Variants in MTF1 observed in about 807,000 individuals in gnomAD.
MTF1 encodes MRE-binding transcription factor.
In MTF1, 22 loss-of-function variants were observed where a neutral mutation model predicts 70.4. That is an observed-to-expected ratio of 0.31 (90% CI 0.22 to 0.45). MTF1 has a LOEUF of 0.45. MTF1 is among the 20% of genes least tolerant of loss of function. The pLI, the probability that MTF1 is intolerant of heterozygous loss-of-function variation, is 1.00. For missense variants in MTF1, 649 were observed against 922.0 expected (o/e 0.70, Z 3.83); for synonymous variants, 333 against 352.8 (o/e 0.94, Z 0.63).
chr1:37,853,052 C>T (rs1641439730), intron 2 of MTF1, among the ~76,000 whole-genome samples: 1 of 152,206 alleles, frequency 6.6e-6, no homozygotes, highest in Non-Finnish European at 1.5e-5. Context: ...AGGCCACTAT[C>T]CTTTCTTCAG....
intron 7 of MTF1, 66 bp downstream of exon 7, chr1:37,832,179 C>G: frequency 9.6e-7 from 1 of 1,038,698 alleles, no homozygotes; most frequent in Non-Finnish European, 1.5e-6. Context: ...CCTCAATTTT[C>G]CCACCAAAGG....
chr1:37,850,426 G>A (rs1338423505), intron 2 of MTF1, among the ~76,000 whole-genome samples: 3 of 151,612 alleles, frequency 2.0e-5, no homozygotes, highest in African/African-American at 7.3e-5. Context: ...TCCCACCACT[G>A]TAATCACTCC....
intron 6 of MTF1, among the ~76,000 whole-genome samples, chr1:37,834,063 C>G (rs906251096): frequency 3.3e-5 from 5 of 150,820 alleles, no homozygotes; most frequent in African/African-American, 1.2e-4. Flanking sequence ...CACATCTCTA[C>G]TAAAAACACA....
chr1:37,820,237 C>A (rs924225732), intron 9 of MTF1, among the ~76,000 whole-genome samples: 2 of 152,194 alleles, frequency 1.3e-5, no homozygotes, highest in African/African-American at 2.4e-5. Flanking sequence ...TCTAGTGTGT[C>A]TAATAGTAGC....
At chr1:37,856,710 G>A (rs1185522852) in intron 2 of MTF1, among the ~76,000 whole-genome samples, 2 of 151,606 alleles carry the variant, frequency 1.3e-5, no homozygotes, top group Non-Finnish European at 2.9e-5. Context: ...ATGTTGGCCA[G>A]GCTGCTCTCG....
intron 7 of MTF1, among the ~76,000 whole-genome samples, chr1:37,829,468 A>C (rs1329507324): frequency 6.7e-6 from 1 of 149,104 alleles, no homozygotes; most frequent in East Asian, 2.0e-4. Context: ...ACATGTCCCT[A>C]ATTTTTTTTT....
At position 37,821,960 on chromosome 1, in the gene MTF1, C is replaced by T. The variant is rs377369505; in HGVS notation, c.1767+161G>A. Among the ~76,000 whole-genome samples the T allele has an allele frequency of 5.3e-5, 8 of 152,178 alleles. No individual in the cohort carries two copies. The East Asian group carries it at 9.6e-4, about 18-fold the overall frequency. ...TAGGTACTGACCACAGCATTTCCTA[C>T]GTTTATACCACTTGATTATGTGGAA... On this transcript the variant is annotated intron_variant, in intron 9 of 10. Coordinates refer to ENST00000373036, the MANE Select transcript of MTF1 (RefSeq NM_005955.3).
chr1:37,857,751 C>T, intron 1 of MTF1, 42 bp from the exon 2 acceptor site: 1 of 1,246,944 alleles, frequency 8.0e-7, no homozygotes, highest in Non-Finnish European at 1.1e-6. Flanking sequence ...TACCACAAGA[C>T]CGACGGACCT....
intron 10 of MTF1, among the ~76,000 whole-genome samples, chr1:37,816,674 C>CAAAA: frequency 1.0e-5 from 1 of 96,014 alleles, no homozygotes; most frequent in Middle Eastern, 5.1e-3. Context: ...GACTCCATCT[C>CAAAA]AAAAAAAAAA....
At chr1:37,821,393 T>A (rs184970199) in intron 9 of MTF1, among the ~76,000 whole-genome samples, 48 of 152,312 alleles carry the variant, frequency 3.2e-4, no homozygotes, top group African/African-American at 1.1e-3. Flanking sequence ...TGATGTTTTT[T>A]AAATTACCAT....
chr1:37,811,932 C>G lies in MTF1; in HGVS notation c.*3204G>C, dbSNP rs961284392. Reference sequence around the variant, plus strand: ...AAGACTGGGCCACCTTCCCTCAATGCCCAACCTACCTGCCTGGGAAGGGCC... The same window carrying G: ...AAGACTGGGCCACCTTCCCTCAATGGCCAACCTACCTGCCTGGGAAGGGCC... On this transcript the variant is annotated 3_prime_UTR_variant, in exon 11 of 11. Coordinates refer to ENST00000373036, the MANE Select transcript of MTF1 (RefSeq NM_005955.3). 6.5e-6 allele frequency: 1 copy of G among 152,706 alleles called. No homozygotes were observed. The highest frequency in any genetic ancestry group is 2.4e-5 in the African/African-American group (1 of 41,464). 9.5% of individuals were successfully genotyped at this position (152,706 alleles called of 1,614,324 possible).
intron 9 of MTF1, among the ~76,000 whole-genome samples, chr1:37,821,144 C>A (rs1442530104): frequency 6.6e-6 from 1 of 151,702 alleles, no homozygotes; most frequent in Non-Finnish European, 1.5e-5. Flanking sequence ...CCACTGCACT[C>A]TAGCCTGGGT....
rs201042434 is a variant in MTF1, at chr1:37,832,251, G to A, written c.1062C>T (p.Ser354=). The A allele has an allele frequency of 8.7e-6, 14 of 1,608,790 alleles. No individual in the cohort carries two copies. The highest frequency in any genetic ancestry group is 1.2e-5 in the Non-Finnish European group (14 of 1,175,582). ...LSTDSELREN[S]STTQGQDLST... is the part of the protein sequence containing the mutation. ...GTATTACAGGTACACTTACCGTACTGGAATTTTCTCGCAATTCAGAATCTG... is the reference window on the plus strand; with the variant it reads ...GTATTACAGGTACACTTACCGTACTAGAATTTTCTCGCAATTCAGAATCTG... Residue 354 remains serine (S), a synonymous_variant, in exon 7 of 11, where the codon TCC becomes TCT. Transcript: ENST00000373036.
At chr1:37,850,635 G>A (rs1641403935) in intron 2 of MTF1, among the ~76,000 whole-genome samples, 1 of 152,134 alleles carries the variant, frequency 6.6e-6, no homozygotes, top group Non-Finnish European at 1.5e-5. Context: ...GAAATAACAA[G>A]TATGAGAATA....
Position 37,811,969 on chromosome 1 carries a change from G to A in MTF1, c.*3167C>T, listed in dbSNP as rs1244093566. 1 of 152,732 alleles carries A rather than the reference G, an allele frequency of 6.5e-6. No homozygotes were observed. The highest frequency in any genetic ancestry group is 1.5e-5 in the Non-Finnish European group (1 of 68,100). The allele number at this position is 152,732 out of a possible 1,614,324, so 9.5% of individuals were successfully genotyped here. A position where few individuals can be genotyped will look rare whatever the true frequency, so the allele number is the denominator to read the frequency against. ...GCCTGGGAAGGGCCAAGTTCACTAAGGCAGTTTGGTGGTGCCAGCCAGTTT... is the reference window on the plus strand; with the variant it reads ...GCCTGGGAAGGGCCAAGTTCACTAAAGCAGTTTGGTGGTGCCAGCCAGTTT... On this transcript the variant is annotated 3_prime_UTR_variant, in exon 11 of 11. Transcript: ENST00000373036.
rs901873946 is a variant in MTF1 at position 37,859,575 on chromosome 1, C to T, written c.-96G>A. The stretch of plus-strand genomic sequence containing the variant: ...GGCGGCAGCAGCAGCTTCTCCCCTC[C>T]CCAGCGGCACCATGATTGCCCCCAC... On this transcript the variant is annotated 5_prime_UTR_variant, in exon 1 of 11. Coordinates refer to ENST00000373036, the MANE Select transcript of MTF1 (RefSeq NM_005955.3). 1.0e-5 allele frequency: 4 copies of T among 398,908 alleles called. No individual in the cohort carries two copies. Among genetic ancestry groups the T allele is most frequent in the Non-Finnish European group, 1.8e-5 (4 of 226,398 alleles). The allele number at this position is 398,908 out of a possible 1,614,324, so 24.7% of individuals were successfully genotyped here.
intron 9 of MTF1, among the ~76,000 whole-genome samples, chr1:37,820,184 T>C (rs1640889763): frequency 6.6e-6 from 1 of 152,166 alleles, no homozygotes; most frequent in African/African-American, 2.4e-5. Context: ...GCACCCTAGT[T>C]CTGGAATTTG....
rs564707933 is a variant in MTF1, at chr1:37,823,841, T to C, written c.1069-29A>G. On this transcript the variant is annotated intron_variant, in intron 7 of 10. Coordinates refer to ENST00000373036, the MANE Select transcript of MTF1 (RefSeq NM_005955.3). ...ATGGAGAGAGACAAAGATGTGAGAT[T>C]GGCCATCTTGAGACAATTCTTCACC... The C allele has an allele frequency of 7.8e-6, 12 of 1,529,180 alleles. No homozygotes were observed. The East Asian group carries it at 2.5e-4, about 32-fold the overall frequency. 94.7% of individuals were successfully genotyped at this position (1,529,180 alleles called of 1,614,324 possible). A position where few individuals can be genotyped will look rare whatever the true frequency, so the allele number is the denominator to read the frequency against.
chr1:37,859,477 C>T (rs1399595354), intron 1 of MTF1, 54 bp downstream of exon 1: 2 of 398,598 alleles, frequency 5.0e-6, no homozygotes, highest in East Asian at 3.6e-5. Context: ...GAGCCTAAGT[C>T]CCGCGCCTCC....
Sources: allele counts gnomAD v4.1 joint callset (sites outside exome capture counted in the v4.1 genomes callset), GRCh38; gene constraint gnomAD v4.1.1; transcripts MANE v1.5; gene names NCBI Gene and HGNC (gene_info 2026-07-23, HGNC 2026-07-21).